Variants in DAB1 observed in about 807,000 individuals in gnomAD.
DAB1 encodes the protein DAB adaptor protein 1.
A neutral mutation model predicts 64.6 loss-of-function variants in DAB1; 15 were observed. The ratio of observed to expected loss-of-function variants is 0.23; its 90% CI spans 0.16 to 0.36. The LOEUF (loss-of-function observed/expected upper bound fraction) is 0.36, where lower values mean the gene tolerates loss of function less well. Ranked by LOEUF, DAB1 falls within the 10% of genes least tolerant of loss-of-function variation. The pLI, the probability that DAB1 is intolerant of heterozygous loss-of-function variation, is 1.00. For missense variants in DAB1, 596 were observed against 706.7 expected (o/e 0.84, Z 1.78); for synonymous variants, 235 against 251.9 (o/e 0.93, Z 0.64).
intron 2 of DAB1, among the ~76,000 whole-genome samples, chr1:57,186,621 A>G (rs774306251): frequency 1.1e-4 from 17 of 152,230 alleles, no homozygotes; most frequent in Non-Finnish European, 1.8e-4. Flanking sequence ...ACCCTTATGA[A>G]TATCCAACTA....
At chr1:57,521,112 G>T (rs1421982581) in intron 7 of DAB1, among the ~76,000 whole-genome samples, 1 of 152,130 alleles carries the variant, frequency 6.6e-6, no homozygotes, top group Non-Finnish European at 1.5e-5. Flanking sequence ...AGAGAACCAA[G>T]ACTACCCCCA....
chr1:57,664,080 C>G (rs903112911), intron 6 of DAB1, among the ~76,000 whole-genome samples: 1 of 152,116 alleles, frequency 6.6e-6, no homozygotes, highest in African/African-American at 2.4e-5. Context: ...TGTTCTGAAG[C>G]TGTTTCCTCT....
intron 7 of DAB1, among the ~76,000 whole-genome samples, chr1:57,629,587 T>C (rs1645962701): frequency 6.6e-6 from 1 of 152,172 alleles, no homozygotes; most frequent in Admixed American, 6.5e-5. Context: ...AATTGGCTTA[T>C]TACTAAAATG....
chr1:57,331,193 C>T (rs962622709), intron 1 of DAB1, among the ~76,000 whole-genome samples: 1 of 152,148 alleles, frequency 6.6e-6, no homozygotes, highest in Admixed American at 6.5e-5. Context: ...AAACTGTCTG[C>T]TAACGATAAG....
At position 57,070,776 on chromosome 1, in the gene DAB1, G is replaced by A; in HGVS notation, c.597+247C>T. 19 of 516,846 alleles carry A rather than the reference G, an allele frequency of 3.7e-5. No individual in the cohort carries two copies. The South Asian group carries it at 4.1e-4, about 11-fold the overall frequency. 32.0% of individuals were successfully genotyped at this position (516,846 alleles called of 1,614,324 possible). On this transcript the variant is annotated intron_variant, in intron 7 of 14. Transcript: ENST00000371236. Reference sequence around the variant, plus strand: ...GATCAAACTTTTACAGACTGTGAAGGGGGCCGAGGCAGAGGCAAGAAGGGA... The same window carrying A: ...GATCAAACTTTTACAGACTGTGAAGAGGGCCGAGGCAGAGGCAAGAAGGGA...
chr1:57,696,820 A>C (rs1646850929), intron 6 of DAB1, among the ~76,000 whole-genome samples: 1 of 152,154 alleles, frequency 6.6e-6, no homozygotes, highest in South Asian at 2.1e-4. Context: ...ATCATCCTGG[A>C]ATTTTCAAAG....
At chr1:57,115,718 G>T (rs974225421) in intron 4 of DAB1, among the ~76,000 whole-genome samples, 2 of 152,180 alleles carry the variant, frequency 1.3e-5, no homozygotes, top group African/African-American at 2.4e-5. Flanking sequence ...CAGGAAGAAG[G>T]CAACATGAGC....
chr1:58,085,169 G>A (rs749911399), intron 5 of DAB1, among the ~76,000 whole-genome samples: 2 of 152,148 alleles, frequency 1.3e-5, no homozygotes, highest in Non-Finnish European at 2.9e-5. Context: ...GGGACCTAGT[G>A]CAGACAAGAC....
chr1:57,584,091 T>C (rs1331090460), intron 7 of DAB1, among the ~76,000 whole-genome samples: 1 of 152,128 alleles, frequency 6.6e-6, no homozygotes, highest in Non-Finnish European at 1.5e-5. Context: ...AATAGCTGAG[T>C]CTTGGCCAGT....
intron 2 of DAB1, among the ~76,000 whole-genome samples, chr1:57,262,437 C>A (rs928520498): frequency 4.6e-5 from 7 of 152,170 alleles, no homozygotes; most frequent in Admixed American, 3.3e-4. Context: ...GGCCTGTGCT[C>A]CTACCCCAGA....
chr1:58,365,541 A>G (rs1208548680), intron 3 of DAB1, among the ~76,000 whole-genome samples: 2 of 152,216 alleles, frequency 1.3e-5, no homozygotes, highest in Admixed American at 1.3e-4. Flanking sequence ...TGTGATGGGT[A>G]ACACTTGTTT....
intron 3 of DAB1, among the ~76,000 whole-genome samples, chr1:58,361,927 C>A (rs761105135): frequency 7.7e-6 from 1 of 130,188 alleles, no homozygotes; most frequent in African/African-American, 3.0e-5. Context: ...TGGAGTGCAG[C>A]AGTGTGATTT....
chr1:57,720,831 GAGGTTTT>G, intron 6 of DAB1, among the ~76,000 whole-genome samples: 1 of 152,004 alleles, frequency 6.6e-6, no homozygotes, highest in Admixed American at 6.6e-5. Context: ...TTTGTCTATA[GAGGTTTT>G]AAATATTTAA....
chr1:57,615,140 G>T (rs937189598), intron 7 of DAB1, among the ~76,000 whole-genome samples: 2 of 152,004 alleles, frequency 1.3e-5, no homozygotes, highest in Non-Finnish European at 2.9e-5. Flanking sequence ...AAAGTGCTGG[G>T]ATTACAGGCA....
At chr1:57,144,273 T>C (rs1658891660) in intron 3 of DAB1, among the ~76,000 whole-genome samples, 1 of 152,138 alleles carries the variant, frequency 6.6e-6, no homozygotes, top group African/African-American at 2.4e-5. Flanking sequence ...TGCTAAACCA[T>C]TTATTTTTTC....
At chr1:58,259,674 C>A (rs919994683) in intron 4 of DAB1, among the ~76,000 whole-genome samples, 1 of 152,146 alleles carries the variant, frequency 6.6e-6, no homozygotes, top group Non-Finnish European at 1.5e-5. Context: ...GTGAAATAAA[C>A]TGACCAGGCT....
intron 7 of DAB1, among the ~76,000 whole-genome samples, chr1:57,585,937 G>A (rs968602698): frequency 2.6e-5 from 4 of 152,178 alleles, no homozygotes; most frequent in African/African-American, 9.7e-5. Flanking sequence ...CCTTGAGCAA[G>A]TTACTTGGGC....
At chr1:58,055,968 G>A (rs34463571) in intron 5 of DAB1, among the ~76,000 whole-genome samples, 4,796 of 151,048 alleles carry the variant, frequency 0.032, 114 homozygotes, top group Non-Finnish European at 0.048. Flanking sequence ...AAACTCCTGG[G>A]CTCAAGAAAT....
chr1:57,489,351 T>C (rs1461345201), intron 7 of DAB1, among the ~76,000 whole-genome samples: 1 of 152,158 alleles, frequency 6.6e-6, no homozygotes, highest in Non-Finnish European at 1.5e-5. Context: ...TAGCTATTGG[T>C]AGATATTAGC....
Sources: gnomAD v4.1 joint callset for allele counts (sites outside exome capture counted in the v4.1 genomes callset) on GRCh38, gnomAD v4.1.1 for gene constraint, MANE v1.5 for transcripts, NCBI Gene and HGNC (gene_info 2026-07-23, HGNC 2026-07-21) for gene names.